The following STK3 variants were observed in gnomAD, a reference collection of about 807,000 sequenced individuals.
The protein encoded by STK3 is serine/threonine kinase 3, also known as serine/threonine-protein kinase 3.
STK3 carries 41 observed loss-of-function variants against 58.0 expected under a neutral mutation model. The ratio of observed to expected loss-of-function variants is 0.71; its 90% CI spans 0.55 to 0.92. The LOEUF is 0.92. Among genes scored for constraint, STK3 ranks in the 40% least tolerant of loss-of-function variants. The pLI is 0.00. For synonymous variants in STK3, 170 were observed against 191.0 expected (o/e 0.89, Z 0.91); for missense variants, 479 against 602.7 (o/e 0.79, Z 2.15).
intron 1 of STK3, among the ~76,000 whole-genome samples, chr8:98,900,325 C>T (rs1838607737): frequency 6.6e-6 from 1 of 152,220 alleles, no homozygotes; most frequent in African/African-American, 2.4e-5. Context: ...AAGTGATCTG[C>T]CTGCCTCGGC....
At chr8:98,705,953 T>G (rs1449138431) in intron 6 of STK3, among the ~76,000 whole-genome samples, 1 of 151,990 alleles carries the variant, frequency 6.6e-6, no homozygotes, top group Non-Finnish European at 1.5e-5. Context: ...TTTCTCAGCA[T>G]GCATTCATTA....
chr8:98,697,299 A>G (rs1825047314), intron 6 of STK3, among the ~76,000 whole-genome samples: 2 of 152,130 alleles, frequency 1.3e-5, no homozygotes, highest in Admixed American at 1.3e-4. Context: ...TGATCCTTTC[A>G]GAAAACCAGC....
chr8:98,792,902 G>C (rs1832898437), intron 1 of STK3, among the ~76,000 whole-genome samples: 1 of 151,240 alleles, frequency 6.6e-6, no homozygotes, highest in African/African-American at 2.4e-5. Context: ...CTGTATGTGT[G>C]TGTGTGTGTG....
chr8:98,523,707 T>C (rs572038733), intron 10 of STK3, among the ~76,000 whole-genome samples: 3 of 147,620 alleles, frequency 2.0e-5, no homozygotes, highest in African/African-American at 7.4e-5. Context: ...ACTGTTTGGG[T>C]TTTTTTTTTG....
chr8:98,786,621 C>CT (rs1276747565), intron 1 of STK3, among the ~76,000 whole-genome samples: 4 of 152,134 alleles, frequency 2.6e-5, no homozygotes, highest in African/African-American at 9.7e-5. Flanking sequence ...TGAACAAAGT[C>CT]TTTAAGAAAT....
intron 9 of STK3, among the ~76,000 whole-genome samples, chr8:98,543,294 A>G (rs1245912089): frequency 6.6e-6 from 1 of 152,148 alleles, no homozygotes; most frequent in African/African-American, 2.4e-5. Context: ...CTGCTTCTTA[A>G]CTGGTGTTGA....
At position 98,737,705 on chromosome 8, in the gene STK3, A is replaced by C. The variant is rs374874677; in HGVS notation, c.351+11571T>G. On this transcript the variant is annotated intron_variant, in intron 4 of 10. Coordinates refer to ENST00000419617, the MANE Select transcript of STK3 (RefSeq NM_006281.4). ...GCAAATCAAATTTAAAACGTATATA[A>C]TTTTCTTTTTCTTTTTTTTTTAGAT... 7.3e-4 allele frequency among the ~76,000 whole-genome samples: 111 copies of C among 152,028 alleles called. 1 individual carries two copies. Among genetic ancestry groups the C allele is most frequent in the African/African-American group, 2.3e-3 (97 of 41,484 alleles).
intron 6 of STK3, among the ~76,000 whole-genome samples, chr8:98,645,807 G>T (rs1260483684): frequency 6.6e-6 from 1 of 151,754 alleles, no homozygotes; most frequent in Non-Finnish European, 1.5e-5. Context: ...TACATATATA[G>T]ATATAGATAC....
At chr8:98,597,280 C>T in intron 6 of STK3, 1 of 985,310 alleles carries the variant, frequency 1.0e-6, no homozygotes, top group Non-Finnish European at 1.2e-6. Context: ...TTTCTGTGGA[C>T]ACAGCAGCAA....
chr8:98,483,886 A>G (rs1797841048), intron 10 of STK3, among the ~76,000 whole-genome samples: 1 of 152,180 alleles, frequency 6.6e-6, no homozygotes, highest in South Asian at 2.1e-4. Flanking sequence ...TCATAGATTT[A>G]AATTATACAA....
intron 6 of STK3, among the ~76,000 whole-genome samples, chr8:98,704,185 A>G (rs1305991301): frequency 6.6e-6 from 1 of 152,186 alleles, no homozygotes; most frequent in Non-Finnish European, 1.5e-5. Context: ...TTTGACAGAC[A>G]TTTTCTCAAA....
chr8:98,867,995 C>T (rs1203373935), intron 3 of STK3, among the ~76,000 whole-genome samples: 1 of 152,096 alleles, frequency 6.6e-6, no homozygotes, highest in Non-Finnish European at 1.5e-5. Context: ...TGATGCCTGT[C>T]TCTGAGCACC....
intron 10 of STK3, among the ~76,000 whole-genome samples, chr8:98,507,181 G>A (rs752636246): frequency 5.9e-5 from 9 of 152,054 alleles, no homozygotes; most frequent in Non-Finnish European, 1.2e-4. Context: ...TCTATATACT[G>A]ATTACCACAA....
At chr8:98,536,095 G>C (rs956125085) in intron 9 of STK3, among the ~76,000 whole-genome samples, 3 of 152,156 alleles carry the variant, frequency 2.0e-5, no homozygotes, top group African/African-American at 4.8e-5. Flanking sequence ...CAACAGCCTT[G>C]TGCGTGCTCC....
chr8:98,616,681 A>T (rs901357926), intron 6 of STK3, among the ~76,000 whole-genome samples: 2 of 151,448 alleles, frequency 1.3e-5, no homozygotes, highest in Admixed American at 6.6e-5. Context: ...GATAAAACAG[A>T]CGTTAAACCA....
chr8:98,756,299 A>C (rs754520272), intron 3 of STK3, among the ~76,000 whole-genome samples: 34 of 152,258 alleles, frequency 2.2e-4, no homozygotes, highest in Non-Finnish European at 4.3e-4. Flanking sequence ...GAAGTTAGCC[A>C]GATAACTAAG....
chr8:98,695,662 T>C (rs921632359), intron 6 of STK3, among the ~76,000 whole-genome samples: 10 of 152,224 alleles, frequency 6.6e-5, no homozygotes, highest in Non-Finnish European at 1.0e-4. Context: ...GTTGTAGATA[T>C]GAAGCATTAT....
At chr8:98,471,357 C>CT (rs554417267) in intron 10 of STK3, among the ~76,000 whole-genome samples, 4,228 of 129,626 alleles carry the variant, frequency 0.033, 198 homozygotes, top group African/African-American at 0.1. Context: ...TTTTCCTTTT[C>CT]TTTTTTTTTT....
chr8:98,350,239 C>T, the STK3 span, among the ~76,000 whole-genome samples: 19 of 152,174 alleles, frequency 1.2e-4, no homozygotes, highest in Admixed American at 1.1e-3. Context: ...CAAAATGCCA[C>T]CAGTCTCTTT....
Sources: allele counts gnomAD v4.1 joint callset (sites outside exome capture counted in the v4.1 genomes callset), GRCh38; gene constraint gnomAD v4.1.1; transcripts MANE v1.5; gene names NCBI Gene and HGNC (gene_info 2026-07-23, HGNC 2026-07-21).